Variants in SMOC2 observed in about 807,000 individuals in gnomAD.
SMOC2 encodes the protein SPARC-related modular calcium-binding protein 2.
Under a neutral mutation model 61.4 loss-of-function variants are expected in SMOC2, and 39 were observed. That is an observed-to-expected ratio of 0.64 (90% CI 0.49 to 0.83). SMOC2 has a LOEUF of 0.83. Among genes scored for constraint, SMOC2 ranks in the 40% least tolerant of loss-of-function variants. The pLI is 0.00. For missense variants in SMOC2, 556 were observed against 592.9 expected (o/e 0.94, Z 0.65); for synonymous variants, 247 against 239.9 (o/e 1.03, Z -0.27).
At chr6:168,459,317 C>T (rs558294885) in intron 1 of SMOC2, among the ~76,000 whole-genome samples, 9 of 152,250 alleles carry the variant, frequency 5.9e-5, no homozygotes, top group South Asian at 4.1e-4. Context: ...GTCACAGACG[C>T]GCCTGGGTCC....
chr6:168,501,906 G>A (rs1322377435), intron 1 of SMOC2, among the ~76,000 whole-genome samples: 2 of 152,212 alleles, frequency 1.3e-5, no homozygotes, highest in African/African-American at 2.4e-5. Context: ...CATCCCTTGG[G>A]TCTTCCCGCT....
chr6:168,639,369 G>A (rs1786832786), intron 9 of SMOC2, among the ~76,000 whole-genome samples: 1 of 152,100 alleles, frequency 6.6e-6, no homozygotes, highest in Non-Finnish European at 1.5e-5. Context: ...AATCAATGAG[G>A]GAAATGCTTT....
At position 168,475,983 on chromosome 6, in the gene SMOC2, A is replaced by G. The variant is rs1782073121; in HGVS notation, c.85-33932A>G. ...ACCGTAGTCCACTTGGGACCTTCCC[A>G]CACGTGGTCTCCCAGAACCATTCCG... On this transcript the variant is annotated intron_variant, in intron 1 of 12. Transcript: ENST00000356284. The surrounding 1 kb of genome is among the most constrained non-coding windows in gnomAD (Gnocchi z 4.6). Among the ~76,000 whole-genome samples the G allele has an allele frequency of 6.6e-6, 1 of 152,116 alleles. No homozygotes were observed. The highest frequency in any genetic ancestry group is 1.5e-5 in the Non-Finnish European group (1 of 67,994).
intron 2 of SMOC2, among the ~76,000 whole-genome samples, chr6:168,518,316 C>T (rs1244740278): frequency 6.6e-6 from 1 of 151,920 alleles, no homozygotes. Flanking sequence ...GAGGGCGTTT[C>T]TGTTGCATGT....
rs531575308 is a variant in SMOC2 at position 168,535,113 on chromosome 6, G to A, written c.463+7386G>A. Among the ~76,000 whole-genome samples the A allele has an allele frequency of 6.6e-6, 1 of 152,098 alleles. No individual in the cohort carries two copies. Among genetic ancestry groups the A allele is most frequent in the East Asian group, 1.9e-4 (1 of 5,158 alleles). On this transcript the variant is annotated intron_variant, in intron 4 of 12. Transcript: ENST00000356284. This position sits in a 1 kb window ranked among gnomAD's most constrained non-coding sequence, Gnocchi z 4.6. ...TGCCTCCGGAGTAGCTGGGACTACA[G>A]GCACCCGCCACCACGCCCAGCTAAT...
Position 168,656,898 on chromosome 6 carries a change from C to T in SMOC2, c.1285+3670C>T, listed in dbSNP as rs563697195. On this transcript the variant is annotated intron_variant, in intron 11 of 12. Coordinates refer to ENST00000356284, the MANE Select transcript of SMOC2 (RefSeq NM_001166412.2). ...GAGAGCAGATGGCTGTACCTATGGCCGCCTCCCTTCGCTCTGTATGCAGGA... is the reference window on the plus strand; with the variant it reads ...GAGAGCAGATGGCTGTACCTATGGCTGCCTCCCTTCGCTCTGTATGCAGGA... 1.8e-4 allele frequency among the ~76,000 whole-genome samples: 27 copies of T among 152,344 alleles called. 1 individual carries two copies. The highest frequency in any genetic ancestry group is 1.6e-3 in the Admixed American group (24 of 15,304).
rs71935592 is a variant in SMOC2 at position 168,465,468 on chromosome 6, G to GA, written c.84+24026dup. ...TGCTAAGAAGCCATCAGATCAGCCG[G>GA]AAAAAAAAAAAAGAAAAAAGAAAGA... is the stretch of plus-strand genomic sequence containing the variant. On this transcript the variant is annotated intron_variant, in intron 1 of 12. Transcript: ENST00000356284. Among the ~76,000 whole-genome samples the GA allele has an allele frequency of 1.3e-3, 181 of 137,028 alleles. No homozygotes were observed. The Middle Eastern group carries it at 0.014, about 11-fold the overall frequency. 89.9% of individuals were successfully genotyped at this position (137,028 alleles called of 152,430 possible).
chr6:168,502,597 C>T (rs1782756522), intron 1 of SMOC2, among the ~76,000 whole-genome samples: 1 of 152,144 alleles, frequency 6.6e-6, no homozygotes, highest in South Asian at 2.1e-4. Context: ...TCAGGAATGC[C>T]GATGGGACCT....
rs370108429 is a variant in SMOC2, at chr6:168,545,594, G to A, written c.512-1525G>A. Among the ~76,000 whole-genome samples the A allele has an allele frequency of 7.2e-5, 11 of 152,350 alleles. No individual in the cohort carries two copies. In the East Asian group the frequency reaches 2.1e-3, roughly 29 times the overall value. ...GAGGAGGGAAGCATGGACAGGGCAGGAAGGAGAGCGGCCTCTGGTGCCCAG... is the reference window on the plus strand; with the variant it reads ...GAGGAGGGAAGCATGGACAGGGCAGAAAGGAGAGCGGCCTCTGGTGCCCAG... On this transcript the variant is annotated intron_variant, in intron 5 of 12. Coordinates refer to ENST00000356284, the MANE Select transcript of SMOC2 (RefSeq NM_001166412.2).
intron 9 of SMOC2, among the ~76,000 whole-genome samples, chr6:168,634,695 G>A (rs1786667920): frequency 6.6e-6 from 1 of 152,194 alleles, no homozygotes. Context: ...AATTATTTTG[G>A]AGAGTTTCCT....
chr6:168,442,390 C>G (rs920993251), intron 1 of SMOC2, among the ~76,000 whole-genome samples: 3 of 152,256 alleles, frequency 2.0e-5, no homozygotes, highest in Non-Finnish European at 2.9e-5. Flanking sequence ...GCCGGCCAAG[C>G]CAACCCGCGG....
intron 1 of SMOC2, among the ~76,000 whole-genome samples, chr6:168,480,459 A>C (rs368089749): frequency 6.6e-6 from 1 of 152,318 alleles, no homozygotes; most frequent in East Asian, 1.9e-4. Flanking sequence ...GAAGCTGGAA[A>C]GTAAAATAAC....
Position 168,667,599 on chromosome 6 carries a change from C to T in SMOC2, c.*1161C>T, listed in dbSNP as rs1362937395. ...GGTCTGCGTGCATAACCAGCTGCCA[C>T]CCTCAGGCCTGGGCCCCAGAGCTCA... On this transcript the variant is annotated 3_prime_UTR_variant, in exon 13 of 13. Coordinates refer to ENST00000356284, the MANE Select transcript of SMOC2 (RefSeq NM_001166412.2). 6.6e-6 allele frequency: 1 copy of T among 152,262 alleles called. No homozygotes were observed. The highest frequency in any genetic ancestry group is 1.9e-4 in the East Asian group (1 of 5,200). 9.4% of individuals were successfully genotyped at this position (152,262 alleles called of 1,614,324 possible). A position where few individuals can be genotyped will look rare whatever the true frequency, so the allele number is the denominator to read the frequency against.
intron 9 of SMOC2, among the ~76,000 whole-genome samples, chr6:168,644,201 G>C (rs112883328): frequency 3.3e-5 from 5 of 152,332 alleles, no homozygotes; most frequent in African/African-American, 1.2e-4. Context: ...CCAAGTGTGA[G>C]AGCACACGTG....
intron 1 of SMOC2, among the ~76,000 whole-genome samples, chr6:168,444,027 G>T (rs537137060): frequency 1.3e-5 from 2 of 152,204 alleles, no homozygotes; most frequent in African/African-American, 4.8e-5. Context: ...CCGTGGGTCC[G>T]TATAAGAGAG....
At chr6:168,567,192 C>CA in intron 7 of SMOC2, among the ~76,000 whole-genome samples, 1 of 152,082 alleles carries the variant, frequency 6.6e-6, no homozygotes, top group East Asian at 1.9e-4. Context: ...ATATTTAAAA[C>CA]AAAAAATGAG....
chr6:168,472,227 G>C (rs960495662), intron 1 of SMOC2, among the ~76,000 whole-genome samples: 1 of 152,114 alleles, frequency 6.6e-6, no homozygotes, highest in African/African-American at 2.4e-5. Context: ...TTTTGTCTGT[G>C]GTGTTAGGTA....
intron 2 of SMOC2, among the ~76,000 whole-genome samples, chr6:168,514,773 A>G (rs2115057532): frequency 6.6e-6 from 1 of 152,334 alleles, no homozygotes; most frequent in Admixed American, 6.5e-5. Context: ...GTTCCCTTAG[A>G]TAACTCCAGT....
chr6:168,515,512 A>AGGGGGCTCCCTTTGAT (rs1783108916), intron 2 of SMOC2, among the ~76,000 whole-genome samples: 1 of 152,140 alleles, frequency 6.6e-6, no homozygotes, highest in Non-Finnish European at 1.5e-5. Context: ...CTGCCTTTGA[A>AGGGGGCTCCCTTTGAT]AAGGGGCTCC....
Sources: allele counts gnomAD v4.1 joint callset (sites outside exome capture counted in the v4.1 genomes callset), GRCh38; gene constraint gnomAD v4.1.1; non-coding constraint Gnocchi (gnomAD v3.1); transcripts MANE v1.5; gene names NCBI Gene and HGNC (gene_info 2026-07-23, HGNC 2026-07-21).